Variants in NT5C2 observed in about 807,000 individuals in gnomAD.
The protein encoded by NT5C2 is 5'-nucleotidase, cytosolic II.
A neutral mutation model predicts 76.1 loss-of-function variants in NT5C2; 58 were observed. The ratio of observed to expected loss-of-function variants is 0.76; its 90% CI spans 0.62 to 0.95. The LOEUF is 0.95. Among genes scored for constraint, NT5C2 ranks in the 40% least tolerant of loss-of-function variants. The pLI, the probability that NT5C2 is intolerant of heterozygous loss-of-function variation, is 0.00. For missense variants in NT5C2, 478 were observed against 690.3 expected, an observed-to-expected ratio of 0.69 and a Z score of 3.45; for synonymous variants, 229 against 237.4, an observed-to-expected ratio of 0.96 and a Z score of 0.32.
chr10:103,142,403 G>A (rs927202701), intron 3 of NT5C2, among the ~76,000 whole-genome samples: 11 of 152,298 alleles, frequency 7.2e-5, no homozygotes, highest in Admixed American at 4.6e-4. Context: ...AAGGCCAGGT[G>A]TAGTAGCTCA....
At chr10:103,175,198 A>G (rs972825568) in intron 2 of NT5C2, among the ~76,000 whole-genome samples, 1 of 152,214 alleles carries the variant, frequency 6.6e-6, no homozygotes, top group Non-Finnish European at 1.5e-5. Context: ...TTCAATCCGG[A>G]AAGATAACAT....
chr10:103,122,982 CA>C lies in NT5C2; in HGVS notation c.176-16277del, dbSNP rs537279447. On this transcript the variant is annotated intron_variant, in intron 4 of 18. Transcript: ENST00000404739. ...AGGCTCCTGTGTCCCATAAAACTTACATTAAATAAATCTGTATGCTTTTCTC... is the reference window on the plus strand; with the variant it reads ...AGGCTCCTGTGTCCCATAAAACTTACTTAAATAAATCTGTATGCTTTTCTC... 1.7e-4 allele frequency among the ~76,000 whole-genome samples: 26 copies of C among 152,300 alleles called. No homozygotes were observed. The South Asian group carries it at 5.2e-3, about 30-fold the overall frequency.
chr10:103,111,368 G>T (rs1388839818), intron 4 of NT5C2, among the ~76,000 whole-genome samples: 1 of 152,134 alleles, frequency 6.6e-6, no homozygotes, highest in African/African-American at 2.4e-5. Flanking sequence ...AGTGTTCTCA[G>T]GTTACATAAT....
intron 1 of NT5C2, among the ~76,000 whole-genome samples, chr10:103,192,868 G>A (rs3087681): frequency 1.3e-5 from 2 of 152,070 alleles, no homozygotes; most frequent in African/African-American, 4.8e-5. Context: ...GTGAGGAAAG[G>A]GGGGAAGAGG....
In NT5C2 at chr10:103,101,244, T is replaced by A; in HGVS notation, c.472A>T (p.Asn158Tyr). 1.3e-6 allele frequency: 2 copies of A among 1,584,748 alleles called. No homozygotes were observed. The highest frequency in any genetic ancestry group is 1.7e-6 in the Non-Finnish European group (2 of 1,153,716). The change falls in exon 7 of 19, where the codon AAC (asparagine) becomes TAC (tyrosine). Residue 158 changes from asparagine to tyrosine, a missense_variant. By Grantham distance (143) the Asn-to-Tyr change is moderately radical. Transcript: ENST00000404739. ...CATAGAATGAATCTACCTGGTAGGT[T>A]GAATAGTGTGTTCAGAATGTAAAAT... Reference protein sequence around the residue: ...ERFYILNTLFNLPETYLLACL... With the variant: ...ERFYILNTLFYLPETYLLACL...
intron 1 of NT5C2, among the ~76,000 whole-genome samples, chr10:103,188,627 A>T (rs2092327287): frequency 6.6e-6 from 1 of 152,218 alleles, no homozygotes; most frequent in African/African-American, 2.4e-5. Context: ...TTATGGGTCC[A>T]GATTCTGTAG....
intron 3 of NT5C2, among the ~76,000 whole-genome samples, chr10:103,158,749 C>T (rs1281878352): frequency 1.3e-5 from 2 of 149,156 alleles, no homozygotes; most frequent in Non-Finnish European, 1.5e-5. Flanking sequence ...ACCCAGGAGG[C>T]GGAGGTTGCT....
At chr10:103,093,347 AT>A (rs1403118715) in intron 14 of NT5C2, 38 bp from the exon 15 acceptor site, 1 of 1,490,500 alleles carries the variant, frequency 6.7e-7, no homozygotes, top group Non-Finnish European at 8.9e-7. Context: ...AACTGTCCCT[AT>A]ATTAAAATCA....
At chr10:103,108,987 T>C (rs1177493245) in intron 4 of NT5C2, among the ~76,000 whole-genome samples, 2 of 152,074 alleles carry the variant, frequency 1.3e-5, no homozygotes, top group African/African-American at 2.4e-5. Context: ...GCCTCCCAAG[T>C]AGCTGGGATT....
chr10:103,183,287 A>ATTT (rs1275822579), intron 1 of NT5C2, among the ~76,000 whole-genome samples: 4,450 of 122,894 alleles, frequency 0.036, 211 homozygotes, highest in East Asian at 0.19. Flanking sequence ...ATATATATAT[A>ATTT]TATATATCAC....
intron 3 of NT5C2, among the ~76,000 whole-genome samples, chr10:103,159,356 G>A (rs1327025388): frequency 6.6e-6 from 1 of 151,384 alleles, no homozygotes; most frequent in African/African-American, 2.4e-5. Flanking sequence ...CAAAAAACCA[G>A]TTGTGTTTCC....
chr10:103,170,697 GT>G (rs375598413), intron 3 of NT5C2, among the ~76,000 whole-genome samples: 12 of 147,734 alleles, frequency 8.1e-5, no homozygotes, highest in East Asian at 2.0e-4. Context: ...TAATTTTTAT[GT>G]TTTTTTTTTG....
chr10:103,172,831 C>T (rs2088580630), intron 3 of NT5C2, among the ~76,000 whole-genome samples: 1 of 151,892 alleles, frequency 6.6e-6, no homozygotes, highest in Non-Finnish European at 1.5e-5. Context: ...TGAACTCTGT[C>T]TCAAAAACAA....
At chr10:103,140,848 T>C (rs1482197920) in intron 3 of NT5C2, among the ~76,000 whole-genome samples, 1 of 152,276 alleles carries the variant, frequency 6.6e-6, no homozygotes, top group African/African-American at 2.4e-5. Context: ...GAAATGTCTA[T>C]GCAGGTCCTT....
intron 3 of NT5C2, among the ~76,000 whole-genome samples, chr10:103,145,246 C>G (rs564396732): frequency 7.9e-5 from 12 of 152,214 alleles, no homozygotes; most frequent in Non-Finnish European, 1.5e-4. Context: ...ACAGAGGCAG[C>G]CTTAAAGCAT....
At position 103,106,620 on chromosome 10, in the gene NT5C2, T is replaced by C. The variant is rs779008902; in HGVS notation, c.262A>G (p.Ser88Gly). 2.5e-6 allele frequency: 4 copies of C among 1,613,290 alleles called. No homozygotes were observed. The East Asian group carries it at 6.7e-5, about 27-fold the overall frequency. ...GGGAATGTAGAATCATAAGCAAAGC[T>C]GAGCAACTCCTGGGGATAGCCAATA... is the stretch of plus-strand genomic sequence containing the variant. ...VSIGYPQELL[S>G]FAYDSTFPTR... The change falls in exon 5 of 19, where the codon AGC becomes GGC. Residue 88 changes from serine (S) to glycine (G), a missense_variant. Transcript: ENST00000404739.
chr10:103,164,481 C>A (rs1260118340), intron 3 of NT5C2, among the ~76,000 whole-genome samples: 1 of 152,098 alleles, frequency 6.6e-6, no homozygotes, highest in African/African-American at 2.4e-5. Flanking sequence ...TGGTCTCGAT[C>A]TCTTGACCTT....
At position 103,090,802 on chromosome 10, in the gene NT5C2, A is replaced by G; in HGVS notation, c.1273-15T>C. Reference sequence around the variant, plus strand: ...TGAGTTACTTTCTAAAACAAAGAACAAGATTGATTCTTGGCTCATTCAACA... The same window carrying G: ...TGAGTTACTTTCTAAAACAAAGAACGAGATTGATTCTTGGCTCATTCAACA... On this transcript the variant is annotated splice_polypyrimidine_tract_variant and intron_variant, in intron 17 of 18. Coordinates refer to ENST00000404739, the MANE Select transcript of NT5C2 (RefSeq NM_001351169.2). 8.1e-6 allele frequency: 13 copies of G among 1,613,404 alleles called. No individual in the cohort carries two copies. The highest frequency in any genetic ancestry group is 1.1e-5 in the Non-Finnish European group (13 of 1,179,530).
rs139325572 is a variant in NT5C2 at position 103,132,393 on chromosome 10, A to G, written c.175+7013T>C. Among the ~76,000 whole-genome samples the G allele has an allele frequency of 3.2e-4, 48 of 152,290 alleles. No homozygotes were observed. In the East Asian group the frequency reaches 9.2e-3, roughly 29 times the overall value. ...GATGACATTAGTGGAAAAACTGATA[A>G]AAAACAAAGTCCATAGTTCAACTAA... On this transcript the variant is annotated intron_variant, in intron 4 of 18. Coordinates refer to ENST00000404739, the MANE Select transcript of NT5C2 (RefSeq NM_001351169.2).
Sources: allele counts gnomAD v4.1 joint callset (sites outside exome capture counted in the v4.1 genomes callset), GRCh38; gene constraint gnomAD v4.1.1; transcripts MANE v1.5; gene names NCBI Gene and HGNC (gene_info 2026-07-23, HGNC 2026-07-21).